Variants in RAPGEF6 observed in about 807,000 individuals in gnomAD.
The protein encoded by RAPGEF6 is Rap guanine nucleotide exchange factor 6.
In RAPGEF6, 56 loss-of-function variants were observed where a neutral mutation model predicts 171.4. The observed-to-expected ratio is 0.33, with a 90% CI of 0.26 to 0.41. The LOEUF (loss-of-function observed/expected upper bound fraction) is 0.41. Ranked by LOEUF, RAPGEF6 falls within the 10% of genes least tolerant of loss-of-function variation. The pLI is 1.00. For synonymous variants in RAPGEF6, 692 were observed against 650.1 expected (o/e 1.06, Z -0.98); for missense variants, 1,674 against 1,921.4 (o/e 0.87, Z 2.41).
At chr5:131,615,241 G>T in intron 1 of RAPGEF6, among the ~76,000 whole-genome samples, 1 of 152,198 alleles carries the variant, frequency 6.6e-6, no homozygotes, top group East Asian at 1.9e-4. Flanking sequence ...AGGGTCACAA[G>T]AATGCTAAGC....
At chr5:131,602,637 C>T (rs757642563) in intron 3 of RAPGEF6, among the ~76,000 whole-genome samples, 5 of 151,942 alleles carry the variant, frequency 3.3e-5, no homozygotes, top group Non-Finnish European at 5.9e-5. Context: ...GGCTAATGCC[C>T]GTAAACCCAG....
chr5:131,504,553 T>C, intron 11 of RAPGEF6, 73 bp downstream of exon 11: 1 of 1,393,032 alleles, frequency 7.2e-7, no homozygotes, highest in Non-Finnish European at 9.7e-7. Flanking sequence ...ACTTAAAAAA[T>C]GGTTTAAAAC....
chr5:131,569,204 C>T (rs957156956), intron 4 of RAPGEF6, among the ~76,000 whole-genome samples: 11 of 152,030 alleles, frequency 7.2e-5, no homozygotes, highest in Admixed American at 3.9e-4. Flanking sequence ...ACAGGCTTTA[C>T]GGTATAAATT....
intron 4 of RAPGEF6, among the ~76,000 whole-genome samples, chr5:131,583,244 G>A (rs532414937): frequency 6.6e-6 from 1 of 152,292 alleles, no homozygotes; most frequent in East Asian, 1.9e-4. Flanking sequence ...GCCATGATGG[G>A]AAGGGAGGTC....
At chr5:131,514,455 T>C (rs959932727) in intron 7 of RAPGEF6, among the ~76,000 whole-genome samples, 4 of 151,984 alleles carry the variant, frequency 2.6e-5, no homozygotes, top group Admixed American at 6.6e-5. Context: ...ATGTTCAGCA[T>C]ACAATAAAAA....
intron 1 of RAPGEF6, among the ~76,000 whole-genome samples, chr5:131,611,883 C>A (rs759799738): frequency 1.1e-4 from 16 of 152,108 alleles, no homozygotes; most frequent in Non-Finnish European, 1.6e-4. Flanking sequence ...TATACACTTT[C>A]CCCCATTTTT....
intron 20 of RAPGEF6, 146 bp downstream of exon 20, chr5:131,455,655 G>T: frequency 1.5e-6 from 1 of 648,006 alleles, no homozygotes; most frequent in Non-Finnish European, 2.6e-6. Flanking sequence ...TGTATGGTAT[G>T]ACATCTAATT....
intron 15 of RAPGEF6, among the ~76,000 whole-genome samples, chr5:131,483,451 T>C (rs1042246190): frequency 6.6e-6 from 1 of 151,010 alleles, no homozygotes; most frequent in African/African-American, 2.4e-5. Flanking sequence ...AGAGAAATGA[T>C]TGCGTTAAAT....
At chr5:131,586,510 G>A (rs1763265816) in intron 4 of RAPGEF6, among the ~76,000 whole-genome samples, 2 of 152,026 alleles carry the variant, frequency 1.3e-5, no homozygotes, top group South Asian at 2.1e-4. Flanking sequence ...ACGCACCTGT[G>A]GTCCCATCTA....
intron 4 of RAPGEF6, among the ~76,000 whole-genome samples, chr5:131,580,561 C>T (rs1580616246): frequency 6.6e-6 from 1 of 152,182 alleles, no homozygotes; most frequent in Admixed American, 6.5e-5. Flanking sequence ...GAGAGAGGGC[C>T]GCCAGCACGT....
intron 6 of RAPGEF6, among the ~76,000 whole-genome samples, chr5:131,539,636 C>T (rs1464283810): frequency 6.6e-6 from 1 of 152,138 alleles, no homozygotes; most frequent in Non-Finnish European, 1.5e-5. Context: ...AGAGGTCACA[C>T]CCATGGTCAA....
intron 5 of RAPGEF6, among the ~76,000 whole-genome samples, chr5:131,560,288 T>C (rs987934947): frequency 2.6e-5 from 4 of 152,190 alleles, no homozygotes; most frequent in African/African-American, 9.6e-5. Context: ...AACCACAGTA[T>C]GGTTATCAAA....
chr5:131,621,966 A>G (rs1765619285), intron 1 of RAPGEF6, among the ~76,000 whole-genome samples: 1 of 152,144 alleles, frequency 6.6e-6, no homozygotes. Context: ...TTAATTGTCC[A>G]TGTGTTTTGC....
intron 5 of RAPGEF6, among the ~76,000 whole-genome samples, chr5:131,556,249 G>A (rs753582878): frequency 8.5e-5 from 13 of 152,166 alleles, no homozygotes; most frequent in Admixed American, 5.2e-4. Context: ...AGGCTAGCCT[G>A]ACCAACATGG....
At chr5:131,612,009 A>G (rs567670375) in intron 1 of RAPGEF6, among the ~76,000 whole-genome samples, 126 of 152,258 alleles carry the variant, frequency 8.3e-4, no homozygotes, top group Non-Finnish European at 2.2e-4. Context: ...AGCGATATGC[A>G]TTCAGTGGAC....
chr5:131,461,364 C>A (rs58895212), intron 19 of RAPGEF6, among the ~76,000 whole-genome samples: 34,154 of 151,730 alleles, frequency 0.23, 4,067 homozygotes, highest in East Asian at 0.49. Context: ...CTTAAAAAAG[C>A]ACAGTACAGA....
rs980254943 is a variant in RAPGEF6, at chr5:131,632,256, A to G, written c.69+2706T>C. 2.6e-5 allele frequency among the ~76,000 whole-genome samples: 4 copies of G among 152,108 alleles called. No homozygotes were observed. In the South Asian group the frequency reaches 6.2e-4, roughly 24 times the overall value. On this transcript the variant is annotated intron_variant, in intron 1 of 27. Transcript: ENST00000509018. ...CTGTTCACCCTTCTCCAGTCACACA[A>G]AGCTGCTTGCTATTTCTGGAATGCA...
At chr5:131,449,540 G>T (rs1752925921) in intron 21 of RAPGEF6, among the ~76,000 whole-genome samples, 1 of 152,048 alleles carries the variant, frequency 6.6e-6, no homozygotes, top group Admixed American at 6.6e-5. Flanking sequence ...TATAAAATGT[G>T]GCATTTGAAT....
At chr5:131,433,711 GGGGTA>G (rs1751852440) in intron 24 of RAPGEF6, 53 bp from the exon 25 acceptor site, 12 of 1,310,124 alleles carry the variant, frequency 9.2e-6, no homozygotes, top group South Asian at 1.3e-5. Flanking sequence ...ACATATGGTG[GGGGTA>G]GTAGGGGAAA....
Sources: allele counts gnomAD v4.1 joint callset (sites outside exome capture counted in the v4.1 genomes callset), GRCh38; gene constraint gnomAD v4.1.1; transcripts MANE v1.5; gene names NCBI Gene and HGNC (gene_info 2026-07-23, HGNC 2026-07-21).